BNC2: variants seen among roughly 807,000 people sequenced by gnomAD.
BNC2 encodes zinc finger protein basonuclin-2.
In BNC2, 20 loss-of-function variants were observed where a neutral mutation model predicts 76.3. The ratio of observed to expected loss-of-function variants is 0.26; its 90% CI spans 0.18 to 0.38. The LOEUF (loss-of-function observed/expected upper bound fraction) is 0.38, where lower values mean the gene tolerates loss of function less well. Ranked by LOEUF, BNC2 falls within the 10% of genes least tolerant of loss-of-function variation. The pLI, the probability that BNC2 is intolerant of heterozygous loss-of-function variation, is 1.00. For missense variants in BNC2, 1,382 were observed against 1,399.8 expected (o/e 0.99, Z 0.20); for synonymous variants, 582 against 514.8 (o/e 1.13, Z -1.77).
intron 5 of BNC2, among the ~76,000 whole-genome samples, chr9:16,464,360 T>C (rs772145141): frequency 1.3e-5 from 2 of 151,928 alleles, no homozygotes. Context: ...AGATTAAATA[T>C]TACCCATATT....
chr9:16,668,933 G>A (rs1278733595), intron 3 of BNC2, among the ~76,000 whole-genome samples: 2 of 152,118 alleles, frequency 1.3e-5, no homozygotes, highest in African/African-American at 2.4e-5. Flanking sequence ...GATGACAATG[G>A]ATCAATCTGT....
rs894326193 is a variant in BNC2, at chr9:16,553,270, T to C, written c.434-505A>G. Reference sequence around the variant, plus strand: ...GTTAAAGAGGAGGAAGAGAGTGTTCTTTAGACGACAGGGGTGAAAGACCTA... The same window carrying C: ...GTTAAAGAGGAGGAAGAGAGTGTTCCTTAGACGACAGGGGTGAAAGACCTA... On this transcript the variant is annotated intron_variant, in intron 4 of 6. Transcript: ENST00000380672. Among the ~76,000 whole-genome samples, 37 of 152,208 alleles carry C rather than the reference T, an allele frequency of 2.4e-4. 1 individual carries two copies. Among genetic ancestry groups the C allele is most frequent in the Admixed American group, 2.4e-3 (36 of 15,288 alleles).
At chr9:16,618,462 G>C in intron 3 of BNC2, among the ~76,000 whole-genome samples, 1 of 152,010 alleles carries the variant, frequency 6.6e-6, no homozygotes, top group Non-Finnish European at 1.5e-5. Context: ...CACGGACTAG[G>C]GACACAACAT....
chr9:16,740,900 A>G (rs965556250), intron 1 of BNC2, among the ~76,000 whole-genome samples: 4 of 152,098 alleles, frequency 2.6e-5, no homozygotes, highest in Non-Finnish European at 4.4e-5. Context: ...AGAGATACAG[A>G]AAAAAAATCT....
intron 1 of BNC2, among the ~76,000 whole-genome samples, chr9:16,790,345 CTTTAA>C (rs1224138657): frequency 1.3e-5 from 2 of 152,102 alleles, no homozygotes; most frequent in Admixed American, 6.5e-5. Context: ...GTTCTATGAC[CTTTAA>C]TTTTTTTGTC....
intron 5 of BNC2, among the ~76,000 whole-genome samples, chr9:16,468,597 C>T (rs761802596): frequency 1.4e-4 from 21 of 151,972 alleles, no homozygotes; most frequent in African/African-American, 4.1e-4. Context: ...GGTTTCACCA[C>T]GTTGGCCAGA....
At chr9:16,658,011 A>C (rs1338118319) in intron 3 of BNC2, among the ~76,000 whole-genome samples, 1 of 152,206 alleles carries the variant, frequency 6.6e-6, no homozygotes, top group Non-Finnish European at 1.5e-5. Flanking sequence ...TAGAATAAAC[A>C]GAAGTTCAAT....
intron 1 of BNC2, among the ~76,000 whole-genome samples, chr9:16,748,041 A>T (rs1425377994): frequency 2.0e-5 from 3 of 152,236 alleles, no homozygotes; most frequent in East Asian, 3.8e-4. Context: ...AAATACAGAT[A>T]AACAACATCT....
At chr9:16,737,047 C>A (rs1824693117) in intron 2 of BNC2, among the ~76,000 whole-genome samples, 1 of 151,744 alleles carries the variant, frequency 6.6e-6, no homozygotes, top group Non-Finnish European at 1.5e-5. Context: ...CTCAGGAGAT[C>A]CACCTGCCTC....
chr9:16,447,413 C>T (rs1164950388), intron 5 of BNC2, among the ~76,000 whole-genome samples: 4 of 152,002 alleles, frequency 2.6e-5, no homozygotes, highest in Admixed American at 2.6e-4. Context: ...ACTATTTATG[C>T]CTAGAATCTG....
intron 2 of BNC2, among the ~76,000 whole-genome samples, chr9:16,732,175 A>AAAAAGAAAAAG (rs1250443277): frequency 4.8e-5 from 6 of 126,064 alleles, no homozygotes; most frequent in African/African-American, 1.8e-4. Context: ...AAAGAAAAAG[A>AAAAAGAAAAAG]AACAAAAAAG....
chr9:16,769,896 T>A (rs1586869433), intron 1 of BNC2, among the ~76,000 whole-genome samples: 1 of 152,074 alleles, frequency 6.6e-6, no homozygotes, highest in Non-Finnish European at 1.5e-5. Context: ...ATTTTCAGGC[T>A]CTAAGTGGGT....
At chr9:16,828,427 T>C (rs561612283) in intron 1 of BNC2, among the ~76,000 whole-genome samples, 3 of 152,308 alleles carry the variant, frequency 2.0e-5, no homozygotes, top group East Asian at 3.9e-4. Context: ...GAATATAAAA[T>C]TAATACTGTC....
At chr9:16,548,311 G>A (rs4961723) in intron 5 of BNC2, among the ~76,000 whole-genome samples, 33,957 of 152,006 alleles carry the variant, frequency 0.22, 6,513 homozygotes, top group African/African-American at 0.52. Flanking sequence ...AATGGGGAAA[G>A]GACAAAAGAG....
intron 3 of BNC2, among the ~76,000 whole-genome samples, chr9:16,683,993 A>G (rs1341420189): frequency 2.0e-5 from 3 of 152,228 alleles, no homozygotes; most frequent in African/African-American, 7.2e-5. Context: ...CAACCCCACA[A>G]TCTGGTTCAT....
intron 3 of BNC2, among the ~76,000 whole-genome samples, chr9:16,670,512 G>A (rs1444750430): frequency 6.6e-6 from 1 of 152,134 alleles, no homozygotes; most frequent in Non-Finnish European, 1.5e-5. Flanking sequence ...TGGCTGAATA[G>A]CTGACAACTT....
chr9:16,722,188 G>A (rs777660312), intron 3 of BNC2, among the ~76,000 whole-genome samples: 4 of 152,126 alleles, frequency 2.6e-5, no homozygotes, highest in Non-Finnish European at 5.9e-5. Flanking sequence ...GTGTCACAAC[G>A]ACCTGGCAAA....
chr9:16,703,851 T>A (rs1408425932), intron 3 of BNC2, among the ~76,000 whole-genome samples: 1 of 152,138 alleles, frequency 6.6e-6, no homozygotes, highest in Non-Finnish European at 1.5e-5. Flanking sequence ...ACTTAGCAGC[T>A]CTCCAAGTTT....
intron 1 of BNC2, among the ~76,000 whole-genome samples, chr9:16,787,479 G>T (rs7864554): frequency 6.6e-6 from 1 of 152,066 alleles, no homozygotes; most frequent in African/African-American, 2.4e-5. Context: ...CACTGGGCAA[G>T]TTACTTGACC....
Sources: gnomAD v4.1 joint callset for allele counts (sites outside exome capture counted in the v4.1 genomes callset) on GRCh38, gnomAD v4.1.1 for gene constraint, MANE v1.5 for transcripts, NCBI Gene and HGNC (gene_info 2026-07-23, HGNC 2026-07-21) for gene names.